SLC48A1: variants seen among roughly 807,000 people sequenced by gnomAD.
SLC48A1 encodes solute carrier family 48 member 1.
A neutral mutation model predicts 14.8 loss-of-function variants in SLC48A1; 6 were observed. The ratio of observed to expected loss-of-function variants is 0.41; its 90% CI spans 0.22 to 0.80. SLC48A1 has a LOEUF of 0.80. Among genes scored for constraint, SLC48A1 ranks in the 30% least tolerant of loss-of-function variants. SLC48A1 has a pLI of 0.34. For missense variants in SLC48A1, 165 were observed against 204.8 expected (o/e 0.81, Z 1.19); for synonymous variants, 89 against 90.0 (o/e 0.99, Z 0.06).
intron 2 of SLC48A1, among the ~76,000 whole-genome samples, chr12:47,760,937 C>T (rs756355450): frequency 2.6e-5 from 4 of 152,202 alleles, no homozygotes; most frequent in Non-Finnish European, 2.9e-5. Flanking sequence ...TGGCTCACGC[C>T]TGTAATCCCA....
chr12:47,780,076 C>T (rs1033424388), intron 2 of SLC48A1, 69 bp from the exon 3 acceptor site: 1 of 1,458,326 alleles, frequency 6.9e-7, no homozygotes, highest in Non-Finnish European at 9.1e-7. Context: ...GTGGCCCTGG[C>T]CTTGTGGCCG....
At chr12:47,776,234 C>T (rs1248822086) in intron 1 of SLC48A1, among the ~76,000 whole-genome samples, 1 of 152,228 alleles carries the variant, frequency 6.6e-6, no homozygotes, top group Non-Finnish European at 1.5e-5. Flanking sequence ...CCTATGCCTT[C>T]CTTACCCTTA....
intron 1 of SLC48A1, among the ~76,000 whole-genome samples, chr12:47,776,698 A>G (rs1390504748): frequency 6.6e-6 from 1 of 152,088 alleles, no homozygotes; most frequent in East Asian, 1.9e-4. Context: ...ACAGGGCCCA[A>G]AACGCCCCCA....
upstream of SLC48A1, among the ~76,000 whole-genome samples, chr12:47,769,824 CTTAAATTAATTAAATTAAAT>C (rs1942592748): frequency 1.3e-5 from 2 of 151,962 alleles, no homozygotes; most frequent in African/African-American, 2.4e-5. Context: ...TGTGCAGCTA[CTTAAATTAATTAAATTAAAT>C]TTAAATTAAT....
rs933890771 is a variant in SLC48A1 at position 47,782,561 on chromosome 12, T to G, written c.*2280T>G. On this transcript the variant is annotated 3_prime_UTR_variant, in exon 3 of 3. Coordinates refer to ENST00000442218, the MANE Select transcript of SLC48A1 (RefSeq NM_017842.3). ...GGGTGTGTTCAGAATGGGTTCTTCC[T>G]GCAGGGCAGGAAGGGCAGATTGTTA... 16 of 152,204 alleles carry G rather than the reference T, an allele frequency of 1.1e-4. No individual in the cohort carries two copies. Among genetic ancestry groups the G allele is most frequent in the African/African-American group, 3.9e-4 (16 of 41,430 alleles). The allele number at this position is 152,204 out of a possible 1,614,324, so 9.4% of individuals were successfully genotyped here.
intron 2 of SLC48A1, among the ~76,000 whole-genome samples, chr12:47,761,067 T>C (rs1942367039): frequency 1.3e-5 from 2 of 151,846 alleles, no homozygotes; most frequent in South Asian, 4.2e-4. Context: ...CGTGGTGGCG[T>C]GCGCCTGGAA....
At position 47,780,257 on chromosome 12, in the gene SLC48A1, C is replaced by T. The variant is rs1450618720; in HGVS notation, c.417C>T (p.Asp139=). Residue 139 remains aspartate (D), a synonymous_variant, in exon 3 of 3, where the codon GAC becomes GAT. Coordinates refer to ENST00000442218, the MANE Select transcript of SLC48A1 (RefSeq NM_017842.3). ...ACCGCTACCGGGCTGACTTTGCTGA[C>T]ATCAGCATCCTCAGCGATTTCTGAC... is the stretch of plus-strand genomic sequence containing the variant. The part of the protein sequence containing the change: ...YAHRYRADFA[D]ISILSDF 1 of 1,614,130 alleles carries T rather than the reference C, an allele frequency of 6.2e-7. No individual in the cohort carries two copies. Among genetic ancestry groups the T allele is most frequent in the Admixed American group, 1.7e-5 (1 of 60,014 alleles).
intron 1 of SLC48A1, chr12:47,758,925 C>T (rs1264811418): frequency 6.1e-5 from 64 of 1,044,356 alleles, no homozygotes; most frequent in Non-Finnish European, 6.9e-5. Flanking sequence ...GCGCTGCCCG[C>T]CCCCTTCCCC....
chr12:47,756,771 C>A (rs1942082707), upstream of SLC48A1, among the ~76,000 whole-genome samples: 1 of 152,024 alleles, frequency 6.6e-6, no homozygotes, highest in Admixed American at 6.5e-5. Context: ...GCGATCAAGA[C>A]CATCCTGGCC....
At chr12:47,780,070 C>T in intron 2 of SLC48A1, 75 bp from the exon 3 acceptor site, 1 of 1,452,834 alleles carries the variant, frequency 6.9e-7, no homozygotes, top group Non-Finnish European at 9.1e-7. Flanking sequence ...GGGAGGGTGG[C>T]CCTGGCCTTG....
At chr12:47,754,850 T>C (rs1485047678), upstream of SLC48A1, among the ~76,000 whole-genome samples, 1 of 152,196 alleles carries the variant, frequency 6.6e-6, no homozygotes, top group African/African-American at 2.4e-5. Context: ...CTCTCATTCC[T>C]GAACAGAAAG....
chr12:47,779,948 A>G (rs1565782701), intron 2 of SLC48A1, among the ~76,000 whole-genome samples, 197 bp from the exon 3 acceptor site: 1 of 152,260 alleles, frequency 6.6e-6, no homozygotes, highest in South Asian at 2.1e-4. Context: ...TGTCTTCCAC[A>G]AAACCAGTCC....
At chr12:47,758,475 C>A, upstream of SLC48A1, 2 of 1,590,602 alleles carry the variant, frequency 1.3e-6, no homozygotes, top group South Asian at 1.1e-5. Context: ...CCCTCTCCCA[C>A]CCAAACTCCC....
chr12:47,780,287 G>A lies in SLC48A1; in HGVS notation c.*6G>A, dbSNP rs141340899. 12 of 1,614,080 alleles carry A rather than the reference G, an allele frequency of 7.4e-6. No homozygotes were observed. The South Asian group carries it at 8.8e-5, about 12-fold the overall frequency. The stretch of plus-strand genomic sequence containing the variant: ...GCATCCTCAGCGATTTCTGACCCAG[G>A]GGGTGAGGTCTCTGCACCCTGGGGG... On this transcript the variant is annotated 3_prime_UTR_variant, in exon 3 of 3. Transcript: ENST00000442218.
chr12:47,771,247 T>C (rs1266686512), upstream of SLC48A1, among the ~76,000 whole-genome samples: 1 of 152,218 alleles, frequency 6.6e-6, no homozygotes, highest in Non-Finnish European at 1.5e-5. Context: ...AGATTCCTTG[T>C]GTATAATTGC....
At chr12:47,757,740 A>G, upstream of SLC48A1, 1 of 894,328 alleles carries the variant, frequency 1.1e-6, no homozygotes, top group East Asian at 2.7e-5. Context: ...CCCAGTGTCC[A>G]CGGCAGCTGT....
At position 47,779,128 on chromosome 12, in the gene SLC48A1, C is replaced by T. The variant is rs1941056424; in HGVS notation, c.237C>T (p.Val79=). The change falls in exon 2 of 3, where the codon GTC becomes GTT. Residue 79 remains valine, a synonymous_variant. Coordinates refer to ENST00000442218, the MANE Select transcript of SLC48A1 (RefSeq NM_017842.3). ...TGCGCGGCTTCTTCTTCGTGGGCGTCCTCTTCTCGGCCGTCTCCATCGCTG... is the reference window on the plus strand; with the variant it reads ...TGCGCGGCTTCTTCTTCGTGGGCGTTCTCTTCTCGGCCGTCTCCATCGCTG... ...KGLRGFFFVG[V]LFSAVSIAAF... is the part of the protein sequence containing the mutation. The T allele has an allele frequency of 1.9e-6, 3 of 1,551,748 alleles. No individual in the cohort carries two copies. In the African/African-American group the frequency reaches 4.1e-5, roughly 21 times the overall value.
upstream of SLC48A1, among the ~76,000 whole-genome samples, chr12:47,757,404 C>T (rs1421284430): frequency 6.6e-6 from 1 of 152,126 alleles, no homozygotes; most frequent in African/African-American, 2.4e-5. Flanking sequence ...TCCACATGAT[C>T]ACCTCACCCT....
intron 1 of SLC48A1, among the ~76,000 whole-genome samples, chr12:47,774,341 C>T (rs1251419498): frequency 6.6e-6 from 1 of 152,206 alleles, no homozygotes; most frequent in African/African-American, 2.4e-5. Context: ...CAACCTGCTT[C>T]CCTTATTTCA....
Sources: allele counts gnomAD v4.1 joint callset (sites outside exome capture counted in the v4.1 genomes callset), GRCh38; gene constraint gnomAD v4.1.1; transcripts MANE v1.5; gene names NCBI Gene and HGNC (gene_info 2026-07-23, HGNC 2026-07-21).